Variants in BCR observed in about 807,000 individuals in gnomAD.
The protein encoded by BCR is breakpoint cluster region protein.
Under a neutral mutation model 138.6 loss-of-function variants are expected in BCR, and 58 were observed. The observed-to-expected ratio is 0.42, with a 90% CI of 0.34 to 0.52. The LOEUF (loss-of-function observed/expected upper bound fraction) is 0.52. Ranked by LOEUF, BCR falls within the 20% of genes least tolerant of loss-of-function variation. The pLI is 0.06. For synonymous variants in BCR, 786 were observed against 730.1 expected, an observed-to-expected ratio of 1.08 and a Z score of -1.23; for missense variants, 1,599 against 1,727.2, an observed-to-expected ratio of 0.93 and a Z score of 1.32.
chr22:23,305,277 G>T (rs1370751588), intron 16 of BCR, among the ~76,000 whole-genome samples: 1 of 152,144 alleles, frequency 6.6e-6, no homozygotes, highest in Non-Finnish European at 1.5e-5. Flanking sequence ...GACACATGGG[G>T]CCCAGACAGG....
chr22:23,280,356 G>A (rs2073629754), intron 8 of BCR, among the ~76,000 whole-genome samples: 1 of 152,214 alleles, frequency 6.6e-6, no homozygotes, highest in South Asian at 2.1e-4. Context: ...CAGAAGACAG[G>A]GCACATAATG....
At chr22:23,205,642 A>ATTTTTTTT (rs112193385) in intron 1 of BCR, among the ~76,000 whole-genome samples, 1 of 144,006 alleles carries the variant, frequency 6.9e-6, no homozygotes, top group Non-Finnish European at 1.5e-5. Flanking sequence ...TGAACCAATA[A>ATTTTTTTT]TTTTTTTTTT....
chr22:23,297,217 T>G lies in BCR; in HGVS notation c.3012+2062T>G, dbSNP rs929854905. On this transcript the variant is annotated intron_variant, in intron 16 of 22. Transcript: ENST00000305877. ...ATGCCTGGCTAAGTTGTTTTTTGTT[T>G]TTTGTTTTTTTTTTTTTTTTCGAGA... is the stretch of plus-strand genomic sequence containing the variant. Among the ~76,000 whole-genome samples, 70 of 140,740 alleles carry G rather than the reference T, an allele frequency of 5.0e-4. 2 individuals are homozygous for G. The highest frequency in any genetic ancestry group is 2.0e-3 in the African/African-American group (67 of 33,780). 92.3% of individuals were successfully genotyped at this position (140,740 alleles called of 152,430 possible).
At chr22:23,219,851 T>C in intron 1 of BCR, among the ~76,000 whole-genome samples, 1 of 152,352 alleles carries the variant, frequency 6.6e-6, no homozygotes, top group Middle Eastern at 3.4e-3. Context: ...CCGACCTGCA[T>C]GTAACCTGTT....
chr22:23,266,674 G>A (rs977257893), intron 4 of BCR, among the ~76,000 whole-genome samples: 4 of 152,218 alleles, frequency 2.6e-5, no homozygotes, highest in Admixed American at 6.5e-5. Context: ...ACAGGCCGCC[G>A]TGCCCAGACA....
At chr22:23,228,030 C>G (rs1489548876) in intron 1 of BCR, among the ~76,000 whole-genome samples, 1 of 152,176 alleles carries the variant, frequency 6.6e-6, no homozygotes, top group South Asian at 2.1e-4. Flanking sequence ...CAGTATTTCC[C>G]TAGCATCTTC....
At chr22:23,295,690 G>A (rs754775718) in intron 16 of BCR, among the ~76,000 whole-genome samples, 3 of 152,124 alleles carry the variant, frequency 2.0e-5, no homozygotes, top group Non-Finnish European at 2.9e-5. Context: ...AGGTGAGACC[G>A]AGAATGTGTC....
intron 14 of BCR, chr22:23,290,626 CTG>C: frequency 3.6e-6 from 2 of 557,514 alleles, no homozygotes; most frequent in Non-Finnish European, 6.5e-6. Context: ...CTCCCCTAGC[CTG>C]TCTCAGATCC....
intron 1 of BCR, among the ~76,000 whole-genome samples, chr22:23,217,545 G>C (rs1369481778): frequency 6.6e-6 from 1 of 152,194 alleles, no homozygotes. Context: ...TGCAAGAGCT[G>C]ACCATACTTA....
At chr22:23,225,748 C>T (rs907154495) in intron 1 of BCR, among the ~76,000 whole-genome samples, 1 of 152,194 alleles carries the variant, frequency 6.6e-6, no homozygotes, top group African/African-American at 2.4e-5. Flanking sequence ...TCCTGCATCC[C>T]AGCTCTTCTG....
chr22:23,243,512 G>A (rs1043955527), intron 1 of BCR, among the ~76,000 whole-genome samples: 1 of 152,114 alleles, frequency 6.6e-6, no homozygotes, highest in African/African-American at 2.4e-5. Context: ...TGCCCCAAGA[G>A]GCCATGGAAG....
chr22:23,290,913 G>A, intron 14 of BCR: 1 of 167,140 alleles, frequency 6.0e-6, no homozygotes, highest in Non-Finnish European at 1.3e-5. Flanking sequence ...GTTGCACTGT[G>A]TAAGTTTCTC....
chr22:23,310,602 C>A (rs972016341), intron 18 of BCR, among the ~76,000 whole-genome samples, 169 bp downstream of exon 18: 6 of 152,128 alleles, frequency 3.9e-5, no homozygotes, highest in Non-Finnish European at 4.4e-5. Context: ...TTCCTGCAAA[C>A]CAGCTCAGGA....
chr22:23,295,919 G>T (rs548541350), intron 16 of BCR, among the ~76,000 whole-genome samples: 1 of 152,218 alleles, frequency 6.6e-6, no homozygotes, highest in South Asian at 2.1e-4. Context: ...CATTATATCA[G>T]TGGGTTGTGG....
At chr22:23,216,412 C>CAGTGGAA (rs1568937971) in intron 1 of BCR, among the ~76,000 whole-genome samples, 1 of 152,154 alleles carries the variant, frequency 6.6e-6, no homozygotes, top group East Asian at 1.9e-4. Flanking sequence ...GTATTCATAA[C>CAGTGGAA]AGTGGAAAGC....
intron 4 of BCR, among the ~76,000 whole-genome samples, chr22:23,267,238 AGAAG>A (rs2073452756): frequency 6.6e-6 from 1 of 152,126 alleles, no homozygotes; most frequent in Admixed American, 6.5e-5. Context: ...GAGGAGGGAA[AGAAG>A]GAAGAGCTCT....
chr22:23,261,523 G>A lies in BCR; in HGVS notation c.1735G>A (p.Asp579Asn), dbSNP rs760590010. The change falls in exon 4 of 23, where the codon GAC becomes AAC. Residue 579 changes from aspartate to asparagine, a missense_variant. Coordinates refer to ENST00000305877, the MANE Select transcript of BCR (RefSeq NM_004327.4). Reference protein sequence around the residue: ...QQWSHQQRVGDLFQKLASQLG... With the variant: ...QQWSHQQRVGNLFQKLASQLG... ...GTGGAGCCACCAGCAGCGGGTGGGC[G>A]ACCTCTTCCAGAAGCTGGTGAGTAA... The A allele has an allele frequency of 3.7e-6, 6 of 1,612,266 alleles. No individual in the cohort carries two copies. The African/African-American group carries it at 5.3e-5, about 14-fold the overall frequency.
At chr22:23,265,240 C>T (rs1193969916) in intron 4 of BCR, among the ~76,000 whole-genome samples, 2 of 152,216 alleles carry the variant, frequency 1.3e-5, no homozygotes, top group Admixed American at 6.5e-5. Context: ...CCGGAAGACT[C>T]GGAGGAGAGG....
At chr22:23,299,129 C>T (rs1325362519) in intron 16 of BCR, among the ~76,000 whole-genome samples, 6 of 148,888 alleles carry the variant, frequency 4.0e-5, no homozygotes, top group Non-Finnish European at 6.0e-5. Context: ...CCCGAGTAGC[C>T]GGGACTACAG....
Sources: gnomAD v4.1 joint callset for allele counts (sites outside exome capture counted in the v4.1 genomes callset) on GRCh38, gnomAD v4.1.1 for gene constraint, MANE v1.5 for transcripts, NCBI Gene and HGNC (gene_info 2026-07-23, HGNC 2026-07-21) for gene names.